The following ROR1 variants were observed in gnomAD, a reference collection of about 807,000 sequenced individuals.
ROR1 encodes inactive tyrosine-protein kinase transmembrane receptor ROR1.
A neutral mutation model predicts 78.8 loss-of-function variants in ROR1; 19 were observed. The observed-to-expected ratio is 0.24, with a 90% CI of 0.17 to 0.35. The LOEUF is 0.35. ROR1 is among the 10% of genes least tolerant of loss of function. The probability of loss-of-function intolerance (pLI) is 1.00; values close to 1 mark genes in which losing one functional copy is unlikely to be tolerated. For missense variants in ROR1, 917 were observed against 1,177.8 expected, an observed-to-expected ratio of 0.78 and a Z score of 3.24; for synonymous variants, 386 against 433.6, an observed-to-expected ratio of 0.89 and a Z score of 1.36.
chr1:64,166,612 C>T (rs1195874884), intron 8 of ROR1, among the ~76,000 whole-genome samples: 1 of 151,996 alleles, frequency 6.6e-6, no homozygotes, highest in African/African-American at 2.4e-5. Flanking sequence ...GCTGTGCAAA[C>T]ATAGGATACT....
intron 4 of ROR1, 65 bp from the exon 5 acceptor site, chr1:64,137,304 C>G: frequency 6.3e-7 from 1 of 1,584,588 alleles, no homozygotes. Context: ...ATCGCGCAGT[C>G]AGAGCTTGCT....
chr1:64,175,553 T>G (rs1650357966), intron 8 of ROR1, among the ~76,000 whole-genome samples: 1 of 152,240 alleles, frequency 6.6e-6, no homozygotes, highest in Non-Finnish European at 1.5e-5. Flanking sequence ...ACCATTACTT[T>G]CAGCACAAGT....
chr1:64,103,884 T>C (rs1647672648), intron 4 of ROR1, among the ~76,000 whole-genome samples: 1 of 152,170 alleles, frequency 6.6e-6, no homozygotes, highest in Non-Finnish European at 1.5e-5. Context: ...GGTCAGCAGT[T>C]CTCTAGTGAG....
chr1:63,966,641 T>C (rs552251107), intron 1 of ROR1, among the ~76,000 whole-genome samples: 1 of 152,334 alleles, frequency 6.6e-6, no homozygotes, highest in South Asian at 2.1e-4. Flanking sequence ...TTCTGTCCCA[T>C]CTCAACTAAG....
intron 1 of ROR1, among the ~76,000 whole-genome samples, chr1:63,948,849 T>A (rs1368795674): frequency 6.6e-6 from 1 of 152,208 alleles, no homozygotes. Context: ...GGACTCTGAA[T>A]CTGCCTCTGC....
At chr1:64,107,120 T>C (rs545334542) in intron 4 of ROR1, 1 of 152,326 alleles carries the variant, frequency 6.6e-6, no homozygotes, top group Non-Finnish European at 1.5e-5. Context: ...AGAGGTACAA[T>C]TTATTATGTG....
At chr1:64,141,472 G>A (rs114040779) in intron 6 of ROR1, among the ~76,000 whole-genome samples, 1,716 of 152,178 alleles carry the variant, frequency 0.011, 17 homozygotes, top group Admixed American at 0.018. Context: ...CCCTGCTTCC[G>A]TGATCCAGTC....
At chr1:63,959,925 C>A (rs989701989) in intron 1 of ROR1, among the ~76,000 whole-genome samples, 2 of 152,208 alleles carry the variant, frequency 1.3e-5, no homozygotes, top group Non-Finnish European at 2.9e-5. Flanking sequence ...CCATTCCCAG[C>A]GTTCTCTGCT....
chr1:64,137,330 G>A (rs752375946), intron 4 of ROR1, 39 bp from the exon 5 acceptor site: 3 of 1,612,070 alleles, frequency 1.9e-6, no homozygotes, highest in Non-Finnish European at 2.5e-6. Context: ...CTGTATGTAT[G>A]TGGTGCATCA....
rs372464022 is a variant in ROR1 at position 63,953,920 on chromosome 1, A to G, written c.92-55385A>G. On this transcript the variant is annotated intron_variant, in intron 1 of 8. Coordinates refer to ENST00000371079, the MANE Select transcript of ROR1 (RefSeq NM_005012.4). ...AAACAAGAAGGAAAATTGGGAAGAA[A>G]GTAGACTGGGGAAGGAGTCACACTT... Among the ~76,000 whole-genome samples, 14 of 152,340 alleles carry G rather than the reference A, an allele frequency of 9.2e-5. No individual in the cohort carries two copies. The South Asian group carries it at 2.1e-3, about 23-fold the overall frequency.
intron 7 of ROR1, chr1:64,143,199 C>A: frequency 5.1e-6 from 5 of 989,328 alleles, no homozygotes; most frequent in Non-Finnish European, 6.0e-6. Context: ...GTTAACTGTT[C>A]CTTTTTCTAG....
intron 1 of ROR1, among the ~76,000 whole-genome samples, chr1:63,780,871 C>T (rs1644647875): frequency 6.6e-6 from 1 of 152,184 alleles, no homozygotes; most frequent in Admixed American, 6.5e-5. Flanking sequence ...ATTTCAGGGA[C>T]CTCCACTTGT....
rs139490085 is a variant in ROR1, at chr1:64,073,626, A to G, written c.482+22910A>G. ...TCTGCATACACCCCACAATTAAGAC[A>G]TCGCAACTCCATGCAATGTTTCTTC... On this transcript the variant is annotated intron_variant, in intron 4 of 8. Transcript: ENST00000371079. Among the ~76,000 whole-genome samples the G allele has an allele frequency of 1.9e-3, 288 of 152,318 alleles. 1 individual carries two copies. The highest frequency in any genetic ancestry group is 6.6e-3 in the African/African-American group (276 of 41,574).
intron 1 of ROR1, among the ~76,000 whole-genome samples, chr1:63,883,215 T>A (rs1645334661): frequency 6.6e-6 from 1 of 152,002 alleles, no homozygotes; most frequent in Non-Finnish European, 1.5e-5. Context: ...ACTCTGAGAT[T>A]TTTTTCATTC....
intron 1 of ROR1, among the ~76,000 whole-genome samples, chr1:63,920,159 T>A (rs1645643132): frequency 6.6e-6 from 1 of 152,172 alleles, no homozygotes; most frequent in Non-Finnish European, 1.5e-5. Context: ...GATGGGAAAG[T>A]TCAAAGAAAT....
intron 1 of ROR1, among the ~76,000 whole-genome samples, chr1:63,861,634 A>G (rs1020703201): frequency 6.6e-5 from 10 of 152,180 alleles, no homozygotes; most frequent in African/African-American, 1.9e-4. Flanking sequence ...ACTGGAAGGT[A>G]TGTCTTTCTG....
chr1:64,055,849 C>T (rs1646869090), intron 4 of ROR1, among the ~76,000 whole-genome samples: 1 of 152,184 alleles, frequency 6.6e-6, no homozygotes, highest in African/African-American at 2.4e-5. Context: ...AGAAACTTCT[C>T]CCAGCTATAG....
At chr1:63,785,685 C>A (rs916321616) in intron 1 of ROR1, among the ~76,000 whole-genome samples, 4 of 151,842 alleles carry the variant, frequency 2.6e-5, no homozygotes, top group Non-Finnish European at 5.9e-5. Context: ...GCCACCACGC[C>A]CGGCTAATTT....
chr1:63,897,180 T>C (rs1003550206), intron 1 of ROR1, among the ~76,000 whole-genome samples: 6 of 152,262 alleles, frequency 3.9e-5, no homozygotes, highest in African/African-American at 1.4e-4. Flanking sequence ...ATAGAAATTT[T>C]CTCTCTAGCA....
Sources: gnomAD v4.1 joint callset for allele counts (sites outside exome capture counted in the v4.1 genomes callset) on GRCh38, gnomAD v4.1.1 for gene constraint, MANE v1.5 for transcripts, NCBI Gene and HGNC (gene_info 2026-07-23, HGNC 2026-07-21) for gene names.